BMPER: variants seen among roughly 807,000 people sequenced by gnomAD.
BMPER encodes the protein BMP binding endothelial regulator.
Under a neutral mutation model 87.3 loss-of-function variants are expected in BMPER, and 45 were observed. The observed-to-expected ratio is 0.52, with a 90% CI of 0.41 to 0.66. The LOEUF is 0.66. Ranked by LOEUF, BMPER falls within the 30% of genes least tolerant of loss-of-function variation. The pLI is 0.00. For missense variants in BMPER, 784 were observed against 867.5 expected (o/e 0.90, Z 1.21); for synonymous variants, 326 against 316.2 (o/e 1.03, Z -0.33).
chr7:34,032,565 C>T (rs1787557573), intron 6 of BMPER, among the ~76,000 whole-genome samples: 1 of 152,116 alleles, frequency 6.6e-6, no homozygotes, highest in African/African-American at 2.4e-5. Context: ...CCTCTTTACA[C>T]AGATTCGTAG....
intron 6 of BMPER, among the ~76,000 whole-genome samples, chr7:34,038,011 C>T (rs1181469879): frequency 6.6e-6 from 1 of 152,064 alleles, no homozygotes; most frequent in African/African-American, 2.4e-5. Flanking sequence ...TGGGACTACA[C>T]AGAGAAATTA....
At chr7:34,014,449 C>T (rs1484973546) in intron 6 of BMPER, among the ~76,000 whole-genome samples, 1 of 151,922 alleles carries the variant, frequency 6.6e-6, no homozygotes, top group Non-Finnish European at 1.5e-5. Context: ...CCTGTGAATG[C>T]ATGCGAGGCC....
chr7:33,975,454 C>T (rs1785662003), intron 6 of BMPER, among the ~76,000 whole-genome samples: 1 of 152,054 alleles, frequency 6.6e-6, no homozygotes, highest in African/African-American at 2.4e-5. Context: ...GAATTCTAAG[C>T]CATATACTAA....
In BMPER at chr7:34,153,189, G is replaced by A. The variant is rs140264933; in HGVS notation, c.1974G>A (p.Pro658=). ...NWNEIGPCNK[P]CVAGCHCPAN... ...ATGAAATTGGTCCATGCAACAAGCC[G>A]TGCGTTGCTGGGTGCCACTGTCCAG... The change falls in exon 15 of 15, where the codon CCG becomes CCA. Residue 658 remains proline (P), a synonymous_variant. Transcript: ENST00000649409. 2,574 of 1,614,062 alleles carry A rather than the reference G, an allele frequency of 1.6e-3. 6 individuals are homozygous for A. The highest frequency in any genetic ancestry group is 7.6e-3 in the Middle Eastern group (46 of 6,062).
chr7:34,086,243 T>A, intron 13 of BMPER, 151 bp downstream of exon 13: 2 of 904,052 alleles, frequency 2.2e-6, no homozygotes, highest in Non-Finnish European at 3.4e-6. Flanking sequence ...TGATCTCATC[T>A]TGAGTCAGCC....
At chr7:34,000,321 G>A (rs529680682) in intron 6 of BMPER, among the ~76,000 whole-genome samples, 1 of 152,150 alleles carries the variant, frequency 6.6e-6, no homozygotes, top group African/African-American at 2.4e-5. Flanking sequence ...GGTGTTTTTA[G>A]ATGAAGATAG....
intron 6 of BMPER, among the ~76,000 whole-genome samples, chr7:34,019,365 C>T (rs1412945864): frequency 2.0e-5 from 3 of 152,032 alleles, no homozygotes; most frequent in African/African-American, 7.2e-5. Context: ...AAGGGCTTCA[C>T]TACCCAAGAC....
chr7:34,058,256 C>T (rs1788337681), intron 10 of BMPER, 93 bp downstream of exon 10: 14 of 1,177,148 alleles, frequency 1.2e-5, no homozygotes, highest in Non-Finnish European at 1.7e-5. Flanking sequence ...ACACAGACTC[C>T]AGCTCCCCCA....
chr7:33,964,981 A>C (rs562740502), intron 3 of BMPER, among the ~76,000 whole-genome samples: 1 of 152,322 alleles, frequency 6.6e-6, no homozygotes, highest in South Asian at 2.1e-4. Flanking sequence ...GTGTTAGTGG[A>C]TCAGACATGC....
intron 13 of BMPER, among the ~76,000 whole-genome samples, chr7:34,120,333 A>G (rs1790229503): frequency 6.6e-6 from 1 of 152,064 alleles, no homozygotes; most frequent in South Asian, 2.1e-4. Flanking sequence ...CATACAATAC[A>G]ATTAAATTTC....
intron 6 of BMPER, among the ~76,000 whole-genome samples, chr7:33,994,386 G>C (rs576873784): frequency 2.2e-4 from 34 of 152,316 alleles, no homozygotes; most frequent in Admixed American, 2.2e-3. Context: ...CGATTTTCCA[G>C]GTGCCGTCTG....
chr7:33,994,727 A>C (rs977701948), intron 6 of BMPER, among the ~76,000 whole-genome samples: 2 of 151,852 alleles, frequency 1.3e-5, no homozygotes, highest in South Asian at 4.2e-4. Flanking sequence ...CCATGGGGGG[A>C]TTGTTGTGAA....
intron 6 of BMPER, 146 bp from the exon 7 acceptor site, chr7:34,046,160 G>A (rs905929557): frequency 6.5e-6 from 5 of 771,514 alleles, no homozygotes; most frequent in East Asian, 5.2e-5. Flanking sequence ...ATCAAAGGAC[G>A]CTTGGGGAAA....
rs532848711 is a variant in BMPER, at chr7:34,126,781, G to A, written c.1746-16449G>A. ...ACATAATACTCCTTACCATAGCATCGTTAACTGCCCCAGTATTATATAGAC... is the reference window on the plus strand; with the variant it reads ...ACATAATACTCCTTACCATAGCATCATTAACTGCCCCAGTATTATATAGAC... On this transcript the variant is annotated intron_variant, in intron 13 of 14. Transcript: ENST00000649409. Among the ~76,000 whole-genome samples the A allele has an allele frequency of 7.2e-5, 11 of 151,996 alleles. No individual in the cohort carries two copies. The South Asian group carries it at 1.5e-3, about 20-fold the overall frequency.
intron 13 of BMPER, among the ~76,000 whole-genome samples, chr7:34,120,245 C>T (rs1347170688): frequency 6.6e-6 from 1 of 152,104 alleles, no homozygotes; most frequent in Non-Finnish European, 1.5e-5. Context: ...ACACATTTAT[C>T]AATGACTACA....
intron 3 of BMPER, among the ~76,000 whole-genome samples, chr7:33,940,579 GAAAACAACAACAAC>G (rs1308199942): frequency 1.3e-5 from 2 of 152,026 alleles, no homozygotes; most frequent in Non-Finnish European, 2.9e-5. Context: ...TCATATAGGA[GAAAACAACAACAAC>G]AAAACAACAA....
chr7:34,115,504 C>T (rs934870600), intron 13 of BMPER, among the ~76,000 whole-genome samples: 2 of 152,188 alleles, frequency 1.3e-5, no homozygotes, highest in African/African-American at 4.8e-5. Flanking sequence ...TCCTTTTCCA[C>T]CTTATCCCTA....
intron 4 of BMPER, among the ~76,000 whole-genome samples, chr7:33,968,562 A>G (rs972275450): frequency 1.3e-5 from 2 of 152,168 alleles, no homozygotes; most frequent in African/African-American, 4.8e-5. Context: ...ATAACTTGCT[A>G]CTTAACCTCG....
intron 2 of BMPER, among the ~76,000 whole-genome samples, chr7:33,929,146 G>A (rs764818086): frequency 1.3e-5 from 2 of 152,154 alleles, no homozygotes; most frequent in Non-Finnish European, 2.9e-5. Context: ...CGGAGGAGGC[G>A]TGTTTGCCAG....
Sources: gnomAD v4.1 joint callset for allele counts (sites outside exome capture counted in the v4.1 genomes callset) on GRCh38, gnomAD v4.1.1 for gene constraint, MANE v1.5 for transcripts, NCBI Gene and HGNC (gene_info 2026-07-23, HGNC 2026-07-21) for gene names.